The following BTG2 variants were observed in gnomAD, a reference collection of about 807,000 sequenced individuals.
BTG2 encodes the protein protein BTG2.
In BTG2, 9 loss-of-function variants were observed where a neutral mutation model predicts 13.1. That is an observed-to-expected ratio of 0.69 (90% CI 0.41 to 1.20). The LOEUF (loss-of-function observed/expected upper bound fraction) is 1.20. Ranked by LOEUF, BTG2 falls within the 50% of genes most tolerant of loss-of-function variation. The probability of loss-of-function intolerance (pLI) is 0.00; values close to 1 mark genes in which losing one functional copy is unlikely to be tolerated. For missense variants in BTG2, 200 were observed against 209.5 expected, an observed-to-expected ratio of 0.95 and a Z score of 0.28; for synonymous variants, 92 against 88.6, an observed-to-expected ratio of 1.04 and a Z score of -0.21.
chr1:203,306,053 C>T (rs561394051), intron 1 of BTG2, among the ~76,000 whole-genome samples: 4 of 152,284 alleles, frequency 2.6e-5, no homozygotes, highest in East Asian at 1.9e-4. Flanking sequence ...ATTACGGGCT[C>T]GTCTCCCTCG....
In BTG2 at chr1:203,307,354, C is replaced by T. The variant is rs1658302160; in HGVS notation, c.393C>T (p.Ser131=). 6.2e-7 allele frequency: 1 copy of T among 1,613,520 alleles called. No individual in the cohort carries two copies. Among genetic ancestry groups the T allele is most frequent in the Non-Finnish European group, 8.5e-7 (1 of 1,179,646 alleles). The part of the protein sequence containing the change: ...VLYEEAPLAA[S]CGLLTCKNQV... ...ACGAGGAGGCCCCACTGGCCGCCTC[C>T]TGTGGGCTCCTCACCTGCAAGAACC... The change falls in exon 2 of 2, where the codon TCC becomes TCT. Residue 131 remains serine, a synonymous_variant. Coordinates refer to ENST00000290551, the MANE Select transcript of BTG2 (RefSeq NM_006763.3).
intron 1 of BTG2, among the ~76,000 whole-genome samples, chr1:203,305,981 T>C (rs2102284064): frequency 6.6e-6 from 1 of 152,218 alleles, no homozygotes; most frequent in African/African-American, 2.4e-5. Context: ...CTCTACGCTC[T>C]CGGAGGCGCA....
chr1:203,305,849 G>C (rs56166325), intron 1 of BTG2, 101 bp downstream of exon 1: 10 of 1,451,870 alleles, frequency 6.9e-6, no homozygotes, highest in African/African-American at 5.8e-5. Flanking sequence ...CACGGGAGCA[G>C]CTTTGGGACT....
chr1:203,306,220 G>T (rs979400872), intron 1 of BTG2, among the ~76,000 whole-genome samples: 3 of 152,194 alleles, frequency 2.0e-5, no homozygotes, highest in Non-Finnish European at 4.4e-5. Context: ...GCTGTGCCTG[G>T]GGTAGTCCAC....
chr1:203,307,510 C>T lies in BTG2; in HGVS notation c.*72C>T. 1.6e-6 allele frequency: 2 copies of T among 1,228,050 alleles called. No individual in the cohort carries two copies. Among genetic ancestry groups the T allele is most frequent in the Non-Finnish European group, 2.2e-6 (2 of 889,254 alleles). The allele number at this position is 1,228,050 out of a possible 1,614,324, so 76.1% of individuals were successfully genotyped here. On this transcript the variant is annotated 3_prime_UTR_variant, in exon 2 of 2. Transcript: ENST00000290551. ...ACAACAGGCCACCACATACCTCAACCTGGGGAACTGTATTTTTAAATGAAG... is the reference window on the plus strand; with the variant it reads ...ACAACAGGCCACCACATACCTCAACTTGGGGAACTGTATTTTTAAATGAAG...
chr1:203,306,321 G>A (rs1220525884), intron 1 of BTG2, among the ~76,000 whole-genome samples: 9 of 152,134 alleles, frequency 5.9e-5, no homozygotes, highest in Admixed American at 6.5e-5. Context: ...GTGGTAGGGA[G>A]GAGAGCCTCG....
In BTG2 at chr1:203,307,439, G is replaced by A; in HGVS notation, c.*1G>A. On this transcript the variant is annotated 3_prime_UTR_variant, in exon 2 of 2. Coordinates refer to ENST00000290551, the MANE Select transcript of BTG2 (RefSeq NM_006763.3). ...CTACGTGATGGCAGTCTCCAGCTAGGCCCTTCCGCCCCCGCCCTGGGCGCC... is the reference window on the plus strand; with the variant it reads ...CTACGTGATGGCAGTCTCCAGCTAGACCCTTCCGCCCCCGCCCTGGGCGCC... The A allele has an allele frequency of 6.4e-7, 1 of 1,571,422 alleles. No individual in the cohort carries two copies. The highest frequency in any genetic ancestry group is 8.7e-7 in the Non-Finnish European group (1 of 1,154,054).
chr1:203,307,013 C>A, intron 1 of BTG2, 91 bp from the exon 2 acceptor site: 1 of 1,137,422 alleles, frequency 8.8e-7, no homozygotes, highest in African/African-American at 1.5e-5. Flanking sequence ...TTTCTCTCCT[C>A]CTGTCCCTTG....
rs147064341 is a variant in BTG2 at position 203,305,616 on chromosome 1, G to A, written c.10G>A (p.Gly4Arg). 25 of 1,602,416 alleles carry A rather than the reference G, an allele frequency of 1.6e-5. No individual in the cohort carries two copies. In the African/African-American group the frequency reaches 2.7e-4, roughly 17 times the overall value. ...CCGAGCCGCGCGCGACATGAGCCAC[G>A]GGAAGGGAACCGACATGCTCCCGGA... MSH[G>R]KGTDMLPEIA... The change falls in exon 1 of 2, where the codon GGG becomes AGG. Residue 4 changes from glycine (G) to arginine (R), a missense_variant. Physicochemically the swap from Gly to Arg is moderately radical, Grantham distance 125. Transcript: ENST00000290551.
rs1658334984 is a variant in BTG2, at chr1:203,309,061, T to G, written c.*1623T>G. The G allele has an allele frequency of 6.6e-6, 1 of 152,656 alleles. No homozygotes were observed. Among genetic ancestry groups the G allele is most frequent in the Admixed American group, 6.5e-5 (1 of 15,278 alleles). 9.5% of individuals were successfully genotyped at this position (152,656 alleles called of 1,614,324 possible). On this transcript the variant is annotated 3_prime_UTR_variant, in exon 2 of 2. Coordinates refer to ENST00000290551, the MANE Select transcript of BTG2 (RefSeq NM_006763.3). ...TTCTCCTCCCCACAGCCAGTCCCCT[T>G]TCCTGGATTTCTAAACTGCTCAATT...
chr1:203,306,009 G>A (rs2102284090), intron 1 of BTG2, among the ~76,000 whole-genome samples: 1 of 152,288 alleles, frequency 6.6e-6, no homozygotes, highest in African/African-American at 2.4e-5. Context: ...GTCCTGGAGT[G>A]CCAGCCCGAG....
rs1658323992 is a variant in BTG2 at position 203,308,524 on chromosome 1, G to T, written c.*1086G>T. ...GCAATATGCCCCCTGGGTCCCAGGA[G>T]GGTCTGGAGGAAAACTGGCTATCAG... On this transcript the variant is annotated 3_prime_UTR_variant, in exon 2 of 2. Coordinates refer to ENST00000290551, the MANE Select transcript of BTG2 (RefSeq NM_006763.3). The T allele has an allele frequency of 6.6e-6, 1 of 152,646 alleles. No individual in the cohort carries two copies. The highest frequency in any genetic ancestry group is 6.5e-5 in the Admixed American group (1 of 15,286). 9.5% of individuals were successfully genotyped at this position (152,646 alleles called of 1,614,324 possible). A position where few individuals can be genotyped will look rare whatever the true frequency, so the allele number is the denominator to read the frequency against.
chr1:203,308,488 TCA>T lies in BTG2; in HGVS notation c.*1051_*1052del, dbSNP rs1192018006. On this transcript the variant is annotated 3_prime_UTR_variant, in exon 2 of 2. Coordinates refer to ENST00000290551, the MANE Select transcript of BTG2 (RefSeq NM_006763.3). ...ACCGTATTTTCTAGGACAAGAGTTC[TCA>T]GTCACTGTGCAATATGCCCCCTGGG... 6.6e-6 allele frequency: 1 copy of T among 152,644 alleles called. No individual in the cohort carries two copies. The highest frequency in any genetic ancestry group is 2.4e-5 in the African/African-American group (1 of 41,446). 9.5% of individuals were successfully genotyped at this position (152,644 alleles called of 1,614,324 possible). A position where few individuals can be genotyped will look rare whatever the true frequency, so the allele number is the denominator to read the frequency against.
chr1:203,305,895 G>T, intron 1 of BTG2, 147 bp downstream of exon 1: 1 of 1,168,534 alleles, frequency 8.6e-7, no homozygotes, highest in South Asian at 1.6e-5. Context: ...GCGGCCCGCA[G>T]TCCCCAGTTT....
chr1:203,308,041 CT>C lies in BTG2; in HGVS notation c.*605del, dbSNP rs1345362987. The C allele has an allele frequency of 6.6e-6, 1 of 152,594 alleles. No homozygotes were observed. Among genetic ancestry groups the C allele is most frequent in the East Asian group, 1.9e-4 (1 of 5,194 alleles). 9.5% of individuals were successfully genotyped at this position (152,594 alleles called of 1,614,324 possible). On this transcript the variant is annotated 3_prime_UTR_variant, in exon 2 of 2. Transcript: ENST00000290551. ...TAAGCTGCTTTTCTTGAAATCATGA[CT>C]TGTTTCTAATTCTACCCTCAGGGGC...
intron 1 of BTG2, among the ~76,000 whole-genome samples, chr1:203,305,950 C>G: frequency 6.6e-6 from 1 of 152,236 alleles, no homozygotes; most frequent in African/African-American, 2.4e-5. Flanking sequence ...TCGGCCGTGG[C>G]GGTTCTGATG....
chr1:203,308,811 CA>C lies in BTG2; in HGVS notation c.*1375del, dbSNP rs1658330970. 6.6e-6 allele frequency: 1 copy of C among 152,648 alleles called. No homozygotes were observed. Among genetic ancestry groups the C allele is most frequent in the Admixed American group, 6.5e-5 (1 of 15,282 alleles). 9.5% of individuals were successfully genotyped at this position (152,648 alleles called of 1,614,324 possible). ...AATCCAAATTTGTCGTAGACTTGTG[CA>C]ATATATACTGTTGTGGGTTGGAGAA... On this transcript the variant is annotated 3_prime_UTR_variant, in exon 2 of 2. Transcript: ENST00000290551.
intron 1 of BTG2, among the ~76,000 whole-genome samples, chr1:203,306,779 T>C (rs1658283679): frequency 1.4e-5 from 2 of 144,390 alleles, no homozygotes; most frequent in Non-Finnish European, 3.0e-5. Flanking sequence ...ACCCTAGAGC[T>C]CTAGAATCCC....
chr1:203,309,302 T>G lies in BTG2; in HGVS notation c.*1864T>G, dbSNP rs1293141846. On this transcript the variant is annotated 3_prime_UTR_variant, in exon 2 of 2. Coordinates refer to ENST00000290551, the MANE Select transcript of BTG2 (RefSeq NM_006763.3). ...TCACTGCAGGCTGTGTTCTTGCATC[T>G]TGTCTGCAAACAGGTCCCTGCCTTT... is the stretch of plus-strand genomic sequence containing the variant. 1 of 152,680 alleles carries G rather than the reference T, an allele frequency of 6.5e-6. No individual in the cohort carries two copies. Among genetic ancestry groups the G allele is most frequent in the Non-Finnish European group, 1.5e-5 (1 of 68,046 alleles). The allele number at this position is 152,680 out of a possible 1,614,324, so 9.5% of individuals were successfully genotyped here. A position where few individuals can be genotyped will look rare whatever the true frequency, so the allele number is the denominator to read the frequency against.
Sources: allele counts gnomAD v4.1 joint callset (sites outside exome capture counted in the v4.1 genomes callset), GRCh38; gene constraint gnomAD v4.1.1; transcripts MANE v1.5; gene names NCBI Gene and HGNC (gene_info 2026-07-23, HGNC 2026-07-21).